FGD6: variants seen among roughly 807,000 people sequenced by gnomAD.
FGD6 encodes the protein FYVE, RhoGEF and PH domain containing 6.
Under a neutral mutation model 149.4 loss-of-function variants are expected in FGD6, and 90 were observed. That is an observed-to-expected ratio of 0.60 (90% confidence interval 0.51 to 0.72). FGD6 has a LOEUF of 0.72. FGD6 is among the 30% of genes least tolerant of loss of function. FGD6 has a pLI of 0.00. For missense variants in FGD6, 1,437 were observed against 1,684.8 expected, an observed-to-expected ratio of 0.85 and a Z score of 2.57; for synonymous variants, 527 against 584.0, an observed-to-expected ratio of 0.90 and a Z score of 1.41.
intron 2 of FGD6, among the ~76,000 whole-genome samples, chr12:95,173,129 G>T (rs1881039150): frequency 6.6e-6 from 1 of 152,018 alleles, no homozygotes; most frequent in South Asian, 2.1e-4. Context: ...TGTTTCCTTG[G>T]GCCTTGGTGT....
At position 95,152,965 on chromosome 12, in the gene FGD6, A is replaced by G. The variant is rs1480550163; in HGVS notation, c.2615T>C (p.Val872Ala). Residue 872 changes from valine (V) to alanine (A), a missense_variant, in exon 4 of 21, where the codon GTT becomes GCT. By Grantham distance (64) the Val-to-Ala change is moderately conservative. This residue lies in a region of FGD6 where 1,055 missense variants were observed against 1,146.0 expected (regional missense o/e 0.92). Coordinates refer to ENST00000343958, the MANE Select transcript of FGD6 (RefSeq NM_018351.4). ...QDEDNGMKSK[V>A]HHIAKEIMSS... The stretch of plus-strand genomic sequence containing the variant: ...CATGATCTCCTTGGCAATATGATGA[A>G]CTTTACTTTTCATTCCATTATCTTC... The G allele has an allele frequency of 2.5e-6, 4 of 1,613,908 alleles. No individual in the cohort carries two copies. Among genetic ancestry groups the G allele is most frequent in the South Asian group, 1.1e-5 (1 of 91,078 alleles).
At chr12:95,141,031 G>T (rs1026127216) in intron 6 of FGD6, among the ~76,000 whole-genome samples, 1 of 152,084 alleles carries the variant, frequency 6.6e-6, no homozygotes, top group African/African-American at 2.4e-5. Context: ...AGACCAGCCT[G>T]GCCAACACGG....
Position 95,209,216 on chromosome 12 carries a change from C to A in FGD6, c.2068G>T (p.Ala690Ser). ...GEEKRSKPIK[A>S]YSTENYSLES... ...AGGCTATAGTTTTCTGTGGAATATG[C>A]CTTGATGGGTTTACTTCTCTTCTCC... The change falls in exon 2 of 21, where the codon GCA becomes TCA. Residue 690 changes from alanine to serine, a missense_variant. By Grantham distance (99) the Ala-to-Ser change is moderately conservative. This residue lies in a region of FGD6 where 1,055 missense variants were observed against 1,146.0 expected (regional missense o/e 0.92). Transcript: ENST00000343958. 6.2e-7 allele frequency: 1 copy of A among 1,614,024 alleles called. No individual in the cohort carries two copies. The highest frequency in any genetic ancestry group is 8.5e-7 in the Non-Finnish European group (1 of 1,180,006).
At chr12:95,174,927 CAA>C (rs10687970) in intron 2 of FGD6, among the ~76,000 whole-genome samples, 4 of 84,678 alleles carry the variant, frequency 4.7e-5, no homozygotes, top group Non-Finnish European at 4.1e-5. Context: ...ACTCCATCTC[CAA>C]AAAAAAAAAA....
At chr12:95,125,922 A>C (rs1246927439) in intron 8 of FGD6, 2 of 1,443,588 alleles carry the variant, frequency 1.4e-6, no homozygotes, top group African/African-American at 2.8e-5. Flanking sequence ...TTTCAAGTAC[A>C]TGCAGCTCAC....
intron 14 of FGD6, among the ~76,000 whole-genome samples, chr12:95,097,472 C>T (rs932947494): frequency 1.3e-5 from 2 of 151,728 alleles, no homozygotes; most frequent in African/African-American, 4.8e-5. Flanking sequence ...CCTGTCTCTA[C>T]TAAAAATACA....
chr12:95,194,454 C>T (rs890144426), intron 2 of FGD6, among the ~76,000 whole-genome samples: 3 of 152,030 alleles, frequency 2.0e-5, no homozygotes, highest in Non-Finnish European at 4.4e-5. Context: ...AGGCTGGTCT[C>T]GAACTCCCAA....
intron 18 of FGD6, among the ~76,000 whole-genome samples, chr12:95,086,783 T>C (rs1007605888): frequency 6.6e-6 from 1 of 150,750 alleles, no homozygotes; most frequent in Non-Finnish European, 1.5e-5. Flanking sequence ...CCCGACCTTG[T>C]GATCCACCCG....
chr12:95,095,962 C>T (rs1407992504), intron 14 of FGD6, among the ~76,000 whole-genome samples: 5 of 150,396 alleles, frequency 3.3e-5, no homozygotes, highest in South Asian at 2.1e-4. Flanking sequence ...TGTAGTGAGC[C>T]GAGACAGTGC....
At chr12:95,102,038 G>A (rs187387825) in intron 14 of FGD6, among the ~76,000 whole-genome samples, 2 of 144,254 alleles carry the variant, frequency 1.4e-5, no homozygotes, top group Non-Finnish European at 3.0e-5. Flanking sequence ...AAAAAGGGCT[G>A]AACACAATCC....
At chr12:95,141,642 G>A in intron 5 of FGD6, 103 bp from the exon 6 acceptor site, 1 of 1,259,420 alleles carries the variant, frequency 7.9e-7, no homozygotes, top group East Asian at 2.4e-5. Context: ...AGATTGCACA[G>A]CTGTATTTCT....
intron 8 of FGD6, among the ~76,000 whole-genome samples, chr12:95,117,536 C>T (rs1879056174): frequency 6.6e-6 from 1 of 152,090 alleles, no homozygotes; most frequent in Non-Finnish European, 1.5e-5. Flanking sequence ...GTGGCTGTCC[C>T]ACACCTCAGC....
rs1387249896 is a variant in FGD6 at position 95,209,587 on chromosome 12, A to G, written c.1697T>C (p.Val566Ala). The G allele has an allele frequency of 3.7e-6, 6 of 1,613,994 alleles. No individual in the cohort carries two copies. Among genetic ancestry groups the G allele is most frequent in the East Asian group, 4.5e-5 (2 of 44,896 alleles). ...TAAAATAGGATGAGGTAACTTCCAC[A>G]CTGGCTTTTCTGAAGCCCGTTTAGG... Reference protein sequence around the residue: ...DMPKRASEKPVWKLPHPILPF... With the variant: ...DMPKRASEKPAWKLPHPILPF... Residue 566 changes from valine (V) to alanine (A), a missense_variant, in exon 2 of 21, where the codon GTG becomes GCG. Coordinates refer to ENST00000343958, the MANE Select transcript of FGD6 (RefSeq NM_018351.4).
intron 2 of FGD6, among the ~76,000 whole-genome samples, chr12:95,193,147 G>A (rs943566939): frequency 3.0e-4 from 46 of 152,172 alleles, no homozygotes; most frequent in African/African-American, 1.1e-3. Flanking sequence ...TTGCACTTTT[G>A]GGCATTTATT....
intron 6 of FGD6, among the ~76,000 whole-genome samples, chr12:95,140,771 C>T (rs981719191): frequency 5.3e-5 from 8 of 152,158 alleles, no homozygotes; most frequent in African/African-American, 1.7e-4. Context: ...TAGCATATAG[C>T]ATCTATCTAC....
intron 2 of FGD6, among the ~76,000 whole-genome samples, chr12:95,183,116 C>T (rs1881331673): frequency 1.3e-5 from 2 of 152,236 alleles, no homozygotes; most frequent in East Asian, 3.8e-4. Flanking sequence ...GCCTTGACAT[C>T]TGGGGAAAAT....
chr12:95,087,946 A>T lies in FGD6; in HGVS notation c.3978+1623T>A, dbSNP rs999163125. On this transcript the variant is annotated intron_variant, in intron 18 of 20. Transcript: ENST00000343958. ...CTCAGTGAAAAAAAAGAGGAAAAAA[A>T]TCCAACTAGAATGTTTAACATTCAA... 5.3e-5 allele frequency among the ~76,000 whole-genome samples: 8 copies of T among 152,228 alleles called. No individual in the cohort carries two copies. The South Asian group carries it at 1.4e-3, about 28-fold the overall frequency.
chr12:95,145,075 G>A (rs1057157489), intron 5 of FGD6, among the ~76,000 whole-genome samples: 3 of 134,964 alleles, frequency 2.2e-5, no homozygotes, highest in Non-Finnish European at 3.1e-5. Flanking sequence ...TGCAACCTCC[G>A]ACTCCCAGGT....
At chr12:95,190,547 G>A (rs1403317777) in intron 2 of FGD6, among the ~76,000 whole-genome samples, 2 of 151,852 alleles carry the variant, frequency 1.3e-5, no homozygotes, top group Non-Finnish European at 2.9e-5. Flanking sequence ...TTTCCATATC[G>A]ATATCTAATT....
Sources: allele counts gnomAD v4.1 joint callset (sites outside exome capture counted in the v4.1 genomes callset), GRCh38; gene constraint gnomAD v4.1.1; regional missense constraint gnomAD v4.1.1; transcripts MANE v1.5; gene names NCBI Gene and HGNC (gene_info 2026-07-23, HGNC 2026-07-21).